Variants in MYO18A observed in about 807,000 individuals in gnomAD.
The protein encoded by MYO18A is myosin XVIIIA.
Under a neutral mutation model 235.8 loss-of-function variants are expected in MYO18A, and 78 were observed. The ratio of observed to expected loss-of-function variants is 0.33; its 90% CI spans 0.28 to 0.40. The LOEUF (loss-of-function observed/expected upper bound fraction) is 0.40. Ranked by LOEUF, MYO18A falls within the 10% of genes least tolerant of loss-of-function variation. MYO18A has a pLI of 1.00. For missense variants in MYO18A, 2,215 were observed against 2,699.3 expected, an observed-to-expected ratio of 0.82 and a Z score of 3.98; for synonymous variants, 977 against 1,077.8, an observed-to-expected ratio of 0.91 and a Z score of 1.83.
chr17:29,140,379 T>C lies in MYO18A; in HGVS notation c.1000-18126A>G. 1.6e-6 allele frequency: 2 copies of C among 1,284,554 alleles called. No homozygotes were observed. The highest frequency in any genetic ancestry group is 5.7e-5 in the East Asian group (1 of 17,578). The allele number at this position is 1,284,554 out of a possible 1,614,324, so 79.6% of individuals were successfully genotyped here. A position where few individuals can be genotyped will look rare whatever the true frequency, so the allele number is the denominator to read the frequency against. ...CTGGAGCAGCCCAGAGCAAGGAGAC[T>C]CCGCTCTGATGCTGCTCTGGCTCCG... is the stretch of plus-strand genomic sequence containing the variant. On this transcript the variant is annotated intron_variant, in intron 2 of 41. Coordinates refer to ENST00000527372, the MANE Select transcript of MYO18A (RefSeq NM_078471.4). The surrounding 1 kb of genome is among the most constrained non-coding windows in gnomAD (Gnocchi z 4.2).
chr17:29,074,373 A>C lies in MYO18A; in HGVS notation c.*397T>G. The stretch of plus-strand genomic sequence containing the variant: ...GGAAGGCACTGCTTCTCCTCCCCCA[A>C]TCCTCCCCATGGACCCAGCAACCTA... On this transcript the variant is annotated 3_prime_UTR_variant, in exon 42 of 42. Coordinates refer to ENST00000527372, the MANE Select transcript of MYO18A (RefSeq NM_078471.4). This position sits in a 1 kb window ranked among gnomAD's most constrained non-coding sequence, Gnocchi z 4.4. The C allele has an allele frequency of 2.1e-5, 14 of 653,294 alleles. No homozygotes were observed. The highest frequency in any genetic ancestry group is 8.6e-5 in the East Asian group (3 of 35,058). 40.5% of individuals were successfully genotyped at this position (653,294 alleles called of 1,614,324 possible).
At chr17:29,179,116 G>C (rs1363633990) in intron 1 of MYO18A, among the ~76,000 whole-genome samples, 1 of 152,142 alleles carries the variant, frequency 6.6e-6, no homozygotes, top group East Asian at 1.9e-4. Context: ...CCCTAGCCAG[G>C]ACAGTCCCTC....
rs2068618568 is a variant in MYO18A, at chr17:29,180,200, GGAGCCGGCGGGCCCCGC to G, written c.-82+96_-82+112del. On this transcript the variant is annotated intron_variant, in intron 1 of 41. Coordinates refer to ENST00000527372, the MANE Select transcript of MYO18A (RefSeq NM_078471.4). This position sits in a 1 kb window ranked among gnomAD's most constrained non-coding sequence, Gnocchi z 6.1. ...TCCAGGGGACGGGGGAGGAGGAGGA[GGAGCCGGCGGGCCCCGC>G]CGCCCGCCCGCCCTCCCTCCCGGCC... 1 of 150,916 alleles carries G rather than the reference GGAGCCGGCGGGCCCCGC, an allele frequency of 6.6e-6. No homozygotes were observed. Among genetic ancestry groups the G allele is most frequent in the Non-Finnish European group, 1.5e-5 (1 of 67,348 alleles). 9.3% of individuals were successfully genotyped at this position (150,916 alleles called of 1,614,324 possible).
chr17:29,123,802 A>C (rs900192700), intron 2 of MYO18A, among the ~76,000 whole-genome samples: 20 of 152,226 alleles, frequency 1.3e-4, no homozygotes, highest in African/African-American at 4.6e-4. Flanking sequence ...TAATCACAGC[A>C]CTTTGGGAGG....
chr17:29,125,111 T>C lies in MYO18A; in HGVS notation c.1000-2858A>G, dbSNP rs1344921623. Among the ~76,000 whole-genome samples the C allele has an allele frequency of 2.0e-5, 3 of 152,176 alleles. No homozygotes were observed. The highest frequency in any genetic ancestry group is 2.0e-4 in the Admixed American group (3 of 15,280). On this transcript the variant is annotated intron_variant, in intron 2 of 41. Coordinates refer to ENST00000527372, the MANE Select transcript of MYO18A (RefSeq NM_078471.4). The surrounding 1 kb of genome is among the most constrained non-coding windows in gnomAD (Gnocchi z 5.1). ...AGGCCTGGGCCCCCTGCCAGCCTCTTGCCTTATCTCCAGAGCATTTCTCAG... is the reference window on the plus strand; with the variant it reads ...AGGCCTGGGCCCCCTGCCAGCCTCTCGCCTTATCTCCAGAGCATTTCTCAG...
intron 2 of MYO18A, among the ~76,000 whole-genome samples, chr17:29,139,251 C>A (rs1423602137): frequency 1.3e-5 from 2 of 152,220 alleles, no homozygotes; most frequent in Admixed American, 6.5e-5. Flanking sequence ...GGAGGCCCCC[C>A]TTCCCTGGGG....
intron 28 of MYO18A, 81 bp downstream of exon 28, chr17:29,096,680 C>T (rs1343401745): frequency 7.1e-5 from 101 of 1,423,198 alleles, no homozygotes; most frequent in Non-Finnish European, 9.2e-5. Context: ...TTCCTTCTTT[C>T]CTCCCTGGAG....
intron 2 of MYO18A, 56 bp from the exon 3 acceptor site, chr17:29,122,309 C>T (rs1451289691): frequency 1.3e-6 from 2 of 1,523,084 alleles, no homozygotes; most frequent in Non-Finnish European, 1.8e-6. Context: ...GGGACAAGGA[C>T]AGCCGTAGAG....
chr17:29,139,966 A>G (rs1205111353), intron 2 of MYO18A, among the ~76,000 whole-genome samples: 5 of 152,154 alleles, frequency 3.3e-5, no homozygotes, highest in Admixed American at 2.0e-4. Flanking sequence ...CTTTGGAAGA[A>G]AACAGTGTTC....
chr17:29,120,925 C>A lies in MYO18A; in HGVS notation c.1585+73G>T. Reference sequence around the variant, plus strand: ...AGGCCAGGGAGAAAAAGAGCTGGCACTTAAGAGGGTGCTCTCTCCTCACTC... The same window carrying A: ...AGGCCAGGGAGAAAAAGAGCTGGCAATTAAGAGGGTGCTCTCTCCTCACTC... On this transcript the variant is annotated intron_variant, in intron 6 of 41. Transcript: ENST00000527372. The surrounding 1 kb of genome is among the most constrained non-coding windows in gnomAD (Gnocchi z 4.2). The A allele has an allele frequency of 6.4e-7, 1 of 1,565,832 alleles. No individual in the cohort carries two copies. The highest frequency in any genetic ancestry group is 8.7e-7 in the Non-Finnish European group (1 of 1,151,936).
chr17:29,128,314 C>G, intron 2 of MYO18A: 1 of 1,228,890 alleles, frequency 8.1e-7, no homozygotes, highest in Non-Finnish European at 1.0e-6. Flanking sequence ...TCCCAAGCTC[C>G]TCGCTGGGCA....
At chr17:29,124,781 T>C in intron 2 of MYO18A, 18 of 1,079,510 alleles carry the variant, frequency 1.7e-5, no homozygotes, top group South Asian at 1.2e-4. Flanking sequence ...CTGAGTCAAG[T>C]GGGCCGGCAC....
intron 2 of MYO18A, among the ~76,000 whole-genome samples, chr17:29,143,241 TAAAAC>T (rs1488724073): frequency 2.0e-5 from 3 of 152,182 alleles, no homozygotes; most frequent in African/African-American, 4.8e-5. Flanking sequence ...TTTCAATACT[TAAAAC>T]AAAACAAACA....
rs1444575635 is a variant in MYO18A, at chr17:29,080,592, C to T, written c.6020+1724G>A. Reference sequence around the variant, plus strand: ...TGCTGCGGCGGGAACCGGGCGAGCCCGACAGCGAGAAACTCAGGGAAGAGC... The same window carrying T: ...TGCTGCGGCGGGAACCGGGCGAGCCTGACAGCGAGAAACTCAGGGAAGAGC... On this transcript the variant is annotated intron_variant, in intron 41 of 41. Coordinates refer to ENST00000527372, the MANE Select transcript of MYO18A (RefSeq NM_078471.4). The T allele has an allele frequency of 3.0e-6, 3 of 985,688 alleles. No homozygotes were observed. The African/African-American group carries it at 5.2e-5, about 17-fold the overall frequency. 61.1% of individuals were successfully genotyped at this position (985,688 alleles called of 1,614,324 possible).
rs575467067 is a variant in MYO18A, at chr17:29,125,652, C to T, written c.1000-3399G>A. On this transcript the variant is annotated intron_variant, in intron 2 of 41. Coordinates refer to ENST00000527372, the MANE Select transcript of MYO18A (RefSeq NM_078471.4). This position sits in a 1 kb window ranked among gnomAD's most constrained non-coding sequence, Gnocchi z 5.1. ...AGGACAATGTGGCCAGAGAAAGGGACTGGGCCCTGAGCGAGGAGGGGTGCC... is the reference window on the plus strand; with the variant it reads ...AGGACAATGTGGCCAGAGAAAGGGATTGGGCCCTGAGCGAGGAGGGGTGCC... Among the ~76,000 whole-genome samples, 9 of 152,364 alleles carry T rather than the reference C, an allele frequency of 5.9e-5. No homozygotes were observed. In the South Asian group the frequency reaches 6.2e-4, roughly 11 times the overall value.
At position 29,119,336 on chromosome 17, in the gene MYO18A, T is replaced by G. The variant is rs2067144015; in HGVS notation, c.1828A>C (p.Arg610=). The G allele has an allele frequency of 6.2e-7, 1 of 1,610,584 alleles. No homozygotes were observed. Among genetic ancestry groups the G allele is most frequent in the African/African-American group, 1.3e-5 (1 of 74,842 alleles). The change falls in exon 8 of 42, where the codon AGG becomes CGG. Residue 610 remains arginine (R), a splice_region_variant and synonymous_variant. Transcript: ENST00000527372. The part of the protein sequence containing the change: ...YLLACGDGTL[R]TELHLNHLAE... ...TGTGTACCCTCTGACCCATCTCACCTGAGGGTGCCATCCCCACAGGCCAGC... is the reference window on the plus strand; with the variant it reads ...TGTGTACCCTCTGACCCATCTCACCGGAGGGTGCCATCCCCACAGGCCAGC...
At chr17:29,173,523 T>G (rs1458859671) in intron 1 of MYO18A, among the ~76,000 whole-genome samples, 2 of 151,104 alleles carry the variant, frequency 1.3e-5, no homozygotes, top group South Asian at 2.1e-4. Flanking sequence ...GAGTAGCTGG[T>G]ACTACAGGCG....
At position 29,110,639 on chromosome 17, in the gene MYO18A, G is replaced by A. The variant is rs2066907000; in HGVS notation, c.2901-17C>T. 1.3e-6 allele frequency: 2 copies of A among 1,594,406 alleles called. No individual in the cohort carries two copies. Among genetic ancestry groups the A allele is most frequent in the Non-Finnish European group, 1.7e-6 (2 of 1,167,382 alleles). ...ATGATTTTTCTGCCAGAGGTGGGAGGATAAGGGAGGAAAAGCAGTCACATC... is the reference window on the plus strand; with the variant it reads ...ATGATTTTTCTGCCAGAGGTGGGAGAATAAGGGAGGAAAAGCAGTCACATC... On this transcript the variant is annotated splice_polypyrimidine_tract_variant and intron_variant, in intron 17 of 41. Transcript: ENST00000527372.
At position 29,106,114 on chromosome 17, in the gene MYO18A, C is replaced by T. The variant is rs971497455; in HGVS notation, c.3441+966G>A. ...AAGAGAGGAGTGGGACCAGCAGGCACGAGGCTGTGGTCAGAGAAGGCCATG... is the reference window on the plus strand; with the variant it reads ...AAGAGAGGAGTGGGACCAGCAGGCATGAGGCTGTGGTCAGAGAAGGCCATG... On this transcript the variant is annotated intron_variant, in intron 20 of 41. Coordinates refer to ENST00000527372, the MANE Select transcript of MYO18A (RefSeq NM_078471.4). This position sits in a 1 kb window ranked among gnomAD's most constrained non-coding sequence, Gnocchi z 4.6. 5.9e-5 allele frequency among the ~76,000 whole-genome samples: 9 copies of T among 152,092 alleles called. No homozygotes were observed. Among genetic ancestry groups the T allele is most frequent in the Non-Finnish European group, 2.9e-5 (2 of 68,006 alleles).
Sources: allele counts gnomAD v4.1 joint callset (sites outside exome capture counted in the v4.1 genomes callset), GRCh38; gene constraint gnomAD v4.1.1; non-coding constraint Gnocchi (gnomAD v3.1); transcripts MANE v1.5; gene names NCBI Gene and HGNC (gene_info 2026-07-23, HGNC 2026-07-21).